The following PTPRD variants were observed in gnomAD, a reference collection of about 807,000 sequenced individuals.
PTPRD encodes protein tyrosine phosphatase receptor type D.
Under a neutral mutation model 214.5 loss-of-function variants are expected in PTPRD, and 34 were observed. The observed-to-expected ratio is 0.16, with a 90% confidence interval of 0.12 to 0.21. The LOEUF (loss-of-function observed/expected upper bound fraction) is 0.21. PTPRD is among the 10% of genes least tolerant of loss of function. The pLI, the probability that PTPRD is intolerant of heterozygous loss-of-function variation, is 1.00. For missense variants in PTPRD, 2,545 were observed against 2,398.7 expected (o/e 1.06, Z -1.27); for synonymous variants, 1,128 against 845.7 (o/e 1.33, Z -5.79).
intron 11 of PTPRD, among the ~76,000 whole-genome samples, chr9:8,954,394 T>C (rs1391221079): frequency 6.6e-6 from 1 of 151,876 alleles, no homozygotes; most frequent in East Asian, 1.9e-4. Context: ...TTGGGTATTA[T>C]GCTTACTACC....
At chr9:10,249,247 G>T (rs1443707120) in intron 3 of PTPRD, among the ~76,000 whole-genome samples, 1 of 152,134 alleles carries the variant, frequency 6.6e-6, no homozygotes, top group Non-Finnish European at 1.5e-5. Context: ...TCCAGTGATT[G>T]TTCACCTTGT....
At chr9:9,446,170 A>G (rs2090332791) in intron 8 of PTPRD, among the ~76,000 whole-genome samples, 2 of 152,210 alleles carry the variant, frequency 1.3e-5, no homozygotes, top group South Asian at 4.1e-4. Context: ...ACAGAACATG[A>G]TGACAAGAAA....
At chr9:10,327,924 C>T (rs549906999) in intron 3 of PTPRD, among the ~76,000 whole-genome samples, 53 of 151,782 alleles carry the variant, frequency 3.5e-4, no homozygotes, top group Non-Finnish European at 4.3e-4. Flanking sequence ...GTCCTTGCAG[C>T]TGTACATTGC....
intron 8 of PTPRD, among the ~76,000 whole-genome samples, chr9:9,516,567 C>A (rs2096843693): frequency 6.6e-6 from 1 of 150,772 alleles, no homozygotes; most frequent in African/African-American, 2.4e-5. Flanking sequence ...GAGATGGATT[C>A]TTGCTCTGTT....
intron 12 of PTPRD, among the ~76,000 whole-genome samples, chr9:8,730,270 A>G (rs554399230): frequency 6.6e-6 from 1 of 152,332 alleles, no homozygotes; most frequent in Non-Finnish European, 1.5e-5. Flanking sequence ...AAAGAAAAAA[A>G]AAGAAAGAAA....
chr9:9,331,566 T>C (rs2042321449), intron 9 of PTPRD, among the ~76,000 whole-genome samples: 1 of 152,106 alleles, frequency 6.6e-6, no homozygotes, highest in African/African-American at 2.4e-5. Flanking sequence ...TAGATCGTTA[T>C]GGATGATCTC....
At chr9:10,433,524 T>A (rs1410683185) in intron 2 of PTPRD, among the ~76,000 whole-genome samples, 1 of 151,986 alleles carries the variant, frequency 6.6e-6, no homozygotes, top group Non-Finnish European at 1.5e-5. Context: ...ATTATTCTGA[T>A]TCACCTAGGA....
intron 2 of PTPRD, among the ~76,000 whole-genome samples, chr9:10,517,079 A>G (rs1192517716): frequency 6.6e-6 from 1 of 152,008 alleles, no homozygotes; most frequent in Non-Finnish European, 1.5e-5. Context: ...AAAAAATTTT[A>G]GATTTTTTTT....
intron 24 of PTPRD, 124 bp downstream of exon 24, chr9:8,500,630 T>C: frequency 6.0e-6 from 2 of 335,188 alleles, no homozygotes; most frequent in Non-Finnish European, 8.3e-6. Flanking sequence ...GCAAAAATAC[T>C]AAAGTAACAG....
intron 5 of PTPRD, among the ~76,000 whole-genome samples, chr9:9,885,818 G>A (rs1336494471): frequency 6.6e-6 from 1 of 151,782 alleles, no homozygotes. Context: ...TGTATGCTTT[G>A]TGCCTGTAAA....
intron 8 of PTPRD, among the ~76,000 whole-genome samples, chr9:9,566,467 G>A (rs1289843207): frequency 6.6e-6 from 1 of 151,896 alleles, no homozygotes; most frequent in African/African-American, 2.4e-5. Context: ...ACTTGTGCGA[G>A]AGCTTATAAT....
chr9:10,027,749 A>G (rs1034319296), intron 4 of PTPRD, among the ~76,000 whole-genome samples: 9 of 152,230 alleles, frequency 5.9e-5, no homozygotes, highest in African/African-American at 1.7e-4. Flanking sequence ...AGAAACTACT[A>G]AAGTATTAAT....
intron 2 of PTPRD, among the ~76,000 whole-genome samples, chr9:10,459,937 A>C (rs1375567420): frequency 1.3e-5 from 2 of 151,998 alleles, no homozygotes; most frequent in South Asian, 2.1e-4. Flanking sequence ...CCAATTTTTT[A>C]TTATGGCAAA....
chr9:10,495,570 G>A (rs1414765881), intron 2 of PTPRD, among the ~76,000 whole-genome samples: 2 of 151,672 alleles, frequency 1.3e-5, no homozygotes, highest in African/African-American at 2.4e-5. Flanking sequence ...ACTGTTTTAG[G>A]TGTCTTATAT....
intron 11 of PTPRD, among the ~76,000 whole-genome samples, chr9:8,801,354 G>A (rs944697546): frequency 6.6e-6 from 1 of 152,184 alleles, no homozygotes; most frequent in African/African-American, 2.4e-5. Context: ...TTTCACTGAT[G>A]TTTAGGTAAC....
intron 12 of PTPRD, among the ~76,000 whole-genome samples, chr9:8,719,695 A>AGAC (rs3045949): frequency 0.061 from 9,329 of 152,248 alleles, 844 homozygotes; most frequent in African/African-American, 0.2. Flanking sequence ...GCTGTGATAG[A>AGAC]GACCCACAAA....
intron 3 of PTPRD, among the ~76,000 whole-genome samples, chr9:10,118,067 G>T (rs889645634): frequency 6.6e-6 from 1 of 151,938 alleles, no homozygotes; most frequent in African/African-American, 2.4e-5. Flanking sequence ...TAGTTCACTT[G>T]TAATTAGCCA....
chr9:8,542,107 A>G (rs979856097), intron 14 of PTPRD, among the ~76,000 whole-genome samples: 12 of 152,194 alleles, frequency 7.9e-5, no homozygotes, highest in African/African-American at 2.7e-4. Context: ...AAAGGGTTTC[A>G]GGCAAAACCT....
intron 11 of PTPRD, among the ~76,000 whole-genome samples, chr9:8,900,366 T>C (rs938807843): frequency 2.0e-5 from 3 of 152,200 alleles, no homozygotes; most frequent in African/African-American, 7.2e-5. Context: ...TTTTGGATTT[T>C]GCTAGAGTTT....
Sources: gnomAD v4.1 joint callset for allele counts (sites outside exome capture counted in the v4.1 genomes callset) on GRCh38, gnomAD v4.1.1 for gene constraint, MANE v1.5 for transcripts, NCBI Gene and HGNC (gene_info 2026-07-23, HGNC 2026-07-21) for gene names.